DAPK1: variants seen among roughly 807,000 people sequenced by gnomAD.
The protein encoded by DAPK1 is death associated protein kinase 1, also known as death-associated protein kinase 1.
DAPK1 carries 56 observed loss-of-function variants against 144.9 expected under a neutral mutation model. That is an observed-to-expected ratio of 0.39 (90% CI 0.31 to 0.48). DAPK1 has a LOEUF of 0.48. Ranked by LOEUF, DAPK1 falls within the 20% of genes least tolerant of loss-of-function variation. The probability of loss-of-function intolerance (pLI) is 0.95; values close to 1 mark genes in which losing one functional copy is unlikely to be tolerated. For missense variants in DAPK1, 1,454 were observed against 1,875.4 expected, an observed-to-expected ratio of 0.78 and a Z score of 4.15; for synonymous variants, 690 against 749.0, an observed-to-expected ratio of 0.92 and a Z score of 1.29.
chr9:87,518,682 G>A (rs925532451), intron 2 of DAPK1, among the ~76,000 whole-genome samples: 3 of 152,104 alleles, frequency 2.0e-5, no homozygotes, highest in Admixed American at 2.0e-4. Flanking sequence ...CTCTAGCAGT[G>A]TCACTTTTTC....
At chr9:87,583,741 C>T (rs1827834848) in intron 2 of DAPK1, among the ~76,000 whole-genome samples, 1 of 152,210 alleles carries the variant, frequency 6.6e-6, no homozygotes, top group African/African-American at 2.4e-5. Context: ...TTCCAGGCAG[C>T]CATACTCACA....
chr9:87,583,829 A>G (rs562104289), intron 2 of DAPK1, among the ~76,000 whole-genome samples: 2 of 152,266 alleles, frequency 1.3e-5, no homozygotes, highest in Admixed American at 1.3e-4. Flanking sequence ...TCAGCCTACC[A>G]TGCTTTCTCT....
At chr9:87,526,156 A>G (rs901606551) in intron 2 of DAPK1, among the ~76,000 whole-genome samples, 2 of 152,044 alleles carry the variant, frequency 1.3e-5, no homozygotes, top group Admixed American at 1.3e-4. Context: ...ATTAAAAAAA[A>G]AAAAACAGAA....
At chr9:87,666,514 C>T (rs1831059421) in intron 18 of DAPK1, among the ~76,000 whole-genome samples, 1 of 149,162 alleles carries the variant, frequency 6.7e-6, no homozygotes, top group Non-Finnish European at 1.5e-5. Flanking sequence ...CATTCTGTCA[C>T]CCAGGCTGGA....
chr9:87,651,631 C>T lies in DAPK1; in HGVS notation c.1731C>T (p.Gly577=). The change falls in exon 17 of 26, where the codon GGC becomes GGT. Residue 577 remains glycine, a synonymous_variant. Transcript: ENST00000408954. ...TCGTCGATTATCAAGACAGGCACGG[C>T]AATACTCCCCTCCATGTGGCATGTA... is the stretch of plus-strand genomic sequence containing the variant. The part of the protein sequence containing the change: ...GCFVDYQDRH[G]NTPLHVACKD... 1 of 1,614,172 alleles carries T rather than the reference C, an allele frequency of 6.2e-7. No individual in the cohort carries two copies. The highest frequency in any genetic ancestry group is 1.1e-5 in the South Asian group (1 of 91,076).
chr9:87,509,159 G>A (rs1563965079), intron 2 of DAPK1, among the ~76,000 whole-genome samples: 4 of 152,168 alleles, frequency 2.6e-5, no homozygotes, highest in South Asian at 4.1e-4. Flanking sequence ...AGCTACAGGC[G>A]CTGCAGGTAT....
intron 21 of DAPK1, among the ~76,000 whole-genome samples, chr9:87,695,156 C>T (rs930772517): frequency 1.3e-5 from 2 of 152,214 alleles, no homozygotes; most frequent in South Asian, 2.1e-4. Flanking sequence ...CAGCCCCAGC[C>T]GCAACCCACC....
chr9:87,698,595 G>C, intron 22 of DAPK1, 61 bp from the exon 23 acceptor site: 1 of 1,079,308 alleles, frequency 9.3e-7, no homozygotes, highest in South Asian at 1.3e-5. Flanking sequence ...CCTCACCTGG[G>C]CAGGAGAGGC....
rs1280186415 is a variant in DAPK1 at position 87,605,012 on chromosome 9, G to C, written c.121G>C (p.Ala41Pro). ...GAAAAGCACCGGCCTCCAGTATGCCGCCAAATTCATCAAGAAAAGGAGGAC... is the reference window on the plus strand; with the variant it reads ...GAAAAGCACCGGCCTCCAGTATGCCCCCAAATTCATCAAGAAAAGGAGGAC... ...REKSTGLQYA[A>P]KFIKKRRTKS... Residue 41 changes from alanine to proline, a missense_variant, in exon 3 of 26, where the codon GCC becomes CCC. By Grantham distance (27) the Ala-to-Pro change is conservative. Transcript: ENST00000408954. 6.2e-7 allele frequency: 1 copy of C among 1,614,134 alleles called. No individual in the cohort carries two copies. Among genetic ancestry groups the C allele is most frequent in the South Asian group, 1.1e-5 (1 of 91,082 alleles).
At chr9:87,647,162 A>C (rs1479409299) in intron 13 of DAPK1, 143 bp from the exon 14 acceptor site, 1 of 700,916 alleles carries the variant, frequency 1.4e-6, no homozygotes, top group Non-Finnish European at 2.6e-6. Flanking sequence ...TGTAAAATAG[A>C]ATGAGGGTTT....
In DAPK1 at chr9:87,664,464, C is replaced by T. The variant is rs138587505; in HGVS notation, c.1924-4133C>T. On this transcript the variant is annotated intron_variant, in intron 18 of 25. Transcript: ENST00000408954. ...ATGTGGGCACACAGCCCATAACATTCGGGGAAGACTCCGTGGCACCCACTC... is the reference window on the plus strand; with the variant it reads ...ATGTGGGCACACAGCCCATAACATTTGGGGAAGACTCCGTGGCACCCACTC... Among the ~76,000 whole-genome samples the T allele has an allele frequency of 5.7e-3, 875 of 152,314 alleles. 6 individuals carry two copies. The highest frequency in any genetic ancestry group is 8.6e-3 in the Non-Finnish European group (588 of 68,032).
intron 3 of DAPK1, among the ~76,000 whole-genome samples, chr9:87,636,919 G>C (rs1034307868): frequency 2.6e-5 from 4 of 152,156 alleles, no homozygotes; most frequent in African/African-American, 9.7e-5. Flanking sequence ...ACCTGATAAA[G>C]TTTTGAATGC....
chr9:87,548,310 C>A (rs1826338174), intron 2 of DAPK1, among the ~76,000 whole-genome samples: 1 of 152,156 alleles, frequency 6.6e-6, no homozygotes, highest in Non-Finnish European at 1.5e-5. Context: ...GCGTTAGACC[C>A]CTGGTTTTCC....
At chr9:87,634,356 T>C (rs976403420) in intron 3 of DAPK1, among the ~76,000 whole-genome samples, 57 of 152,202 alleles carry the variant, frequency 3.7e-4, no homozygotes, top group African/African-American at 1.4e-3. Context: ...GTGCCTTCCT[T>C]GCTCGAGGCT....
chr9:87,659,397 G>C (rs1587819856), intron 18 of DAPK1, among the ~76,000 whole-genome samples: 1 of 152,126 alleles, frequency 6.6e-6, no homozygotes, highest in Non-Finnish European at 1.5e-5. Flanking sequence ...GTCAAGCCCT[G>C]CCCAGCCATG....
chr9:87,651,796 T>G, intron 17 of DAPK1, 72 bp downstream of exon 17: 1 of 1,374,900 alleles, frequency 7.3e-7, no homozygotes, highest in South Asian at 1.2e-5. Flanking sequence ...CCTGATTCTG[T>G]GTCCTCTCAC....
chr9:87,591,316 G>T (rs1307905848), intron 2 of DAPK1, among the ~76,000 whole-genome samples: 1 of 152,264 alleles, frequency 6.6e-6, no homozygotes, highest in Non-Finnish European at 1.5e-5. Flanking sequence ...TCAGAGCCCA[G>T]TAAATGAGAA....
intron 22 of DAPK1, 41 bp from the exon 23 acceptor site, chr9:87,698,614 AG>A: frequency 7.0e-7 from 1 of 1,424,018 alleles, no homozygotes; most frequent in Non-Finnish European, 9.9e-7. Context: ...GCAGCCAGGT[AG>A]GAGGACCCAC....
intron 2 of DAPK1, among the ~76,000 whole-genome samples, chr9:87,535,622 T>C (rs545361594): frequency 6.6e-5 from 10 of 152,296 alleles, no homozygotes; most frequent in Non-Finnish European, 1.5e-4. Context: ...AACCTAAATA[T>C]ATAGCCCACC....
Sources: gnomAD v4.1 joint callset for allele counts (sites outside exome capture counted in the v4.1 genomes callset) on GRCh38, gnomAD v4.1.1 for gene constraint, MANE v1.5 for transcripts, NCBI Gene and HGNC (gene_info 2026-07-23, HGNC 2026-07-21) for gene names.